ACO1: variants seen among roughly 807,000 people sequenced by gnomAD.
ACO1 encodes the protein aconitase 1, also known as cytoplasmic aconitate hydratase.
Under a neutral mutation model 105.1 loss-of-function variants are expected in ACO1, and 78 were observed. The ratio of observed to expected loss-of-function variants is 0.74; its 90% CI spans 0.62 to 0.90. ACO1 has a LOEUF of 0.90. Ranked by LOEUF, ACO1 falls within the 40% of genes least tolerant of loss-of-function variation. The probability of loss-of-function intolerance (pLI) is 0.00; values close to 1 mark genes in which losing one functional copy is unlikely to be tolerated. For synonymous variants in ACO1, 364 were observed against 397.4 expected (o/e 0.92, Z 1.00); for missense variants, 965 against 1,111.1 (o/e 0.87, Z 1.87).
At chr9:32,435,862 T>C (rs1167605259) in intron 17 of ACO1, 1 of 350,776 alleles carries the variant, frequency 2.9e-6, no homozygotes, top group East Asian at 7.4e-5. Context: ...TCCATCTGAT[T>C]TGCCTACCCT....
rs367799869 is a variant in ACO1 at position 32,413,663 on chromosome 9, T to A, written c.405-4465T>A. Reference sequence around the variant, plus strand: ...CTGTGGGCTAATTTCCAGCTCTTTCTGGAAATGAGTGAGAAAAACTGGGTA... The same window carrying A: ...CTGTGGGCTAATTTCCAGCTCTTTCAGGAAATGAGTGAGAAAAACTGGGTA... On this transcript the variant is annotated intron_variant, in intron 4 of 20. Transcript: ENST00000309951. Among the ~76,000 whole-genome samples the A allele has an allele frequency of 2.6e-4, 40 of 152,290 alleles. 1 individual carries two copies. The South Asian group carries it at 7.7e-3, about 29-fold the overall frequency.
intron 20 of ACO1, among the ~76,000 whole-genome samples, chr9:32,449,486 A>ATGAT (rs1352714854): frequency 1.3e-5 from 2 of 152,162 alleles, no homozygotes; most frequent in Admixed American, 1.3e-4. Context: ...AAGAGTGAAA[A>ATGAT]TGATAGATCC....
In ACO1 at chr9:32,450,340, G is replaced by A. The variant is rs976778061; in HGVS notation, c.*229G>A. On this transcript the variant is annotated 3_prime_UTR_variant, in exon 21 of 21. Coordinates refer to ENST00000309951, the MANE Select transcript of ACO1 (RefSeq NM_002197.3). ...TTTCCAGAATTTGGAAGCTAGAATG[G>A]TGGGAATGTCAGTAGTGCCAGAAAG... is the stretch of plus-strand genomic sequence containing the variant. 9.8e-6 allele frequency: 6 copies of A among 609,482 alleles called. No homozygotes were observed. The highest frequency in any genetic ancestry group is 9.2e-5 in the African/African-American group (5 of 54,508). The allele number at this position is 609,482 out of a possible 1,614,324, so 37.8% of individuals were successfully genotyped here. A position where few individuals can be genotyped will look rare whatever the true frequency, so the allele number is the denominator to read the frequency against.
chr9:32,415,042 A>C (rs1271693360), intron 4 of ACO1, among the ~76,000 whole-genome samples: 1 of 152,098 alleles, frequency 6.6e-6, no homozygotes, highest in Non-Finnish European at 1.5e-5. Flanking sequence ...CAAGGAGAGA[A>C]GAGCTGAAAA....
rs900281263 is a variant in ACO1, at chr9:32,398,318, C to T, written c.-22-7167C>T. Reference sequence around the variant, plus strand: ...CCTTGGCATTTAGCTTAAAGTAAGTCGACTGTTCCAAACATCTCTACAAAT... The same window carrying T: ...CCTTGGCATTTAGCTTAAAGTAAGTTGACTGTTCCAAACATCTCTACAAAT... On this transcript the variant is annotated intron_variant, in intron 1 of 20. Coordinates refer to ENST00000309951, the MANE Select transcript of ACO1 (RefSeq NM_002197.3). Among the ~76,000 whole-genome samples, 3 of 152,144 alleles carry T rather than the reference C, an allele frequency of 2.0e-5. No individual in the cohort carries two copies. The South Asian group carries it at 6.2e-4, about 32-fold the overall frequency.
chr9:32,449,668 C>T (rs1393510990), intron 20 of ACO1, among the ~76,000 whole-genome samples: 1 of 152,166 alleles, frequency 6.6e-6, no homozygotes. Flanking sequence ...AGGGAGCCCC[C>T]AGAGGTTTAG....
At chr9:32,407,989 T>G (rs1293261758) in intron 3 of ACO1, among the ~76,000 whole-genome samples, 2 of 152,226 alleles carry the variant, frequency 1.3e-5, no homozygotes, top group African/African-American at 4.8e-5. Flanking sequence ...ATTTTATTCC[T>G]TCTAGAGACC....
chr9:32,436,185 G>T (rs1241966139), intron 17 of ACO1, 65 bp from the exon 18 acceptor site: 3 of 1,598,998 alleles, frequency 1.9e-6, no homozygotes, highest in Non-Finnish European at 1.7e-6. Flanking sequence ...TCTTTTCTTG[G>T]TGTAAGCTAA....
At chr9:32,408,042 T>C (rs1346261435) in intron 3 of ACO1, among the ~76,000 whole-genome samples, 2 of 152,218 alleles carry the variant, frequency 1.3e-5, no homozygotes, top group African/African-American at 2.4e-5. Flanking sequence ...ATGTTATACT[T>C]TTAAGCGAAA....
chr9:32,392,239 G>T (rs974924537), intron 1 of ACO1, among the ~76,000 whole-genome samples: 9 of 152,184 alleles, frequency 5.9e-5, no homozygotes, highest in African/African-American at 2.2e-4. Context: ...CATGGTGCAA[G>T]AGAGTTGGTT....
Position 32,450,054 on chromosome 9 carries a change from CACTT to C in ACO1, c.2615_2618del (p.Thr872IlefsTer11). ...TGAGGTTTGACACTGATGTGGAGCT[CACTT>C]ATTTCCTCAACGGGGGCATCCTCAA... On this transcript the variant is annotated frameshift_variant, in exon 21 of 21. Transcript: ENST00000309951. LOFTEE classifies it high-confidence loss of function. 6.2e-7 allele frequency: 1 copy of C among 1,614,094 alleles called. No individual in the cohort carries two copies. Among genetic ancestry groups the C allele is most frequent in the Non-Finnish European group, 8.5e-7 (1 of 1,180,026 alleles).
In ACO1 at chr9:32,451,902, A is replaced by AAAAT. The variant is rs1312248128; in HGVS notation, c.*1793_*1796dup. ...ACATGGTGAAACCCCGTCTCTACTA[A>AAAAT]AAATACAAAAAATTAGCCAGGTGTG... On this transcript the variant is annotated 3_prime_UTR_variant, in exon 21 of 21. Coordinates refer to ENST00000309951, the MANE Select transcript of ACO1 (RefSeq NM_002197.3). 1 of 152,210 alleles carries AAAAT rather than the reference A, an allele frequency of 6.6e-6. No individual in the cohort carries two copies. The highest frequency in any genetic ancestry group is 1.5e-5 in the Non-Finnish European group (1 of 68,062). The allele number at this position is 152,210 out of a possible 1,614,324, so 9.4% of individuals were successfully genotyped here. A position where few individuals can be genotyped will look rare whatever the true frequency, so the allele number is the denominator to read the frequency against.
intron 19 of ACO1, among the ~76,000 whole-genome samples, chr9:32,442,548 G>A (rs1822505662): frequency 1.3e-5 from 2 of 150,284 alleles, no homozygotes; most frequent in South Asian, 4.2e-4. Flanking sequence ...CATACTTTAA[G>A]CTTAATATCA....
At chr9:32,417,513 A>G (rs1821876300) in intron 4 of ACO1, among the ~76,000 whole-genome samples, 1 of 152,158 alleles carries the variant, frequency 6.6e-6, no homozygotes, top group Admixed American at 6.5e-5. Context: ...ATCCTAGAAA[A>G]TCTTGGTGCC....
At chr9:32,428,767 CT>C (rs1212102258) in intron 12 of ACO1, among the ~76,000 whole-genome samples, 4 of 152,072 alleles carry the variant, frequency 2.6e-5, no homozygotes, top group African/African-American at 9.7e-5. Context: ...TGGCATGAAC[CT>C]GGGAGGTGGA....
chr9:32,442,939 A>G (rs1488255185), intron 19 of ACO1, among the ~76,000 whole-genome samples: 1 of 152,230 alleles, frequency 6.6e-6, no homozygotes, highest in African/African-American at 2.4e-5. Flanking sequence ...CATTATGAGC[A>G]ATCAGTGAAG....
chr9:32,420,847 G>A lies in ACO1; in HGVS notation c.799-9G>A. 6.2e-7 allele frequency: 1 copy of A among 1,608,130 alleles called. No individual in the cohort carries two copies. Among genetic ancestry groups the A allele is most frequent in the Non-Finnish European group, 8.5e-7 (1 of 1,175,918 alleles). On this transcript the variant is annotated splice_polypyrimidine_tract_variant and intron_variant, in intron 7 of 20. Transcript: ENST00000309951. ...GATCTCAAACTTTTCTGTTGTTTCTGCTGCTTAGCACCTCCGCCAGGTTGG... is the reference window on the plus strand; with the variant it reads ...GATCTCAAACTTTTCTGTTGTTTCTACTGCTTAGCACCTCCGCCAGGTTGG...
At chr9:32,445,137 C>A (rs185975018) in intron 19 of ACO1, among the ~76,000 whole-genome samples, 21 of 152,088 alleles carry the variant, frequency 1.4e-4, no homozygotes, top group East Asian at 3.9e-4. Context: ...AAAATGAGTT[C>A]GGGAGGATTC....
At chr9:32,395,144 G>C (rs1305905981) in intron 1 of ACO1, among the ~76,000 whole-genome samples, 1 of 152,062 alleles carries the variant, frequency 6.6e-6, no homozygotes, top group Non-Finnish European at 1.5e-5. Context: ...TTTTTTGAAA[G>C]TACAGCTGTC....
Sources: gnomAD v4.1 joint callset for allele counts (sites outside exome capture counted in the v4.1 genomes callset) on GRCh38, gnomAD v4.1.1 for gene constraint, MANE v1.5 for transcripts, NCBI Gene and HGNC (gene_info 2026-07-23, HGNC 2026-07-21) for gene names.